WWOX: variants seen among roughly 807,000 people sequenced by gnomAD.
WWOX encodes WW domain-containing oxidoreductase.
Under a neutral mutation model 46.2 loss-of-function variants are expected in WWOX, and 69 were observed. The observed-to-expected ratio is 1.49, with a 90% CI of 1.23 to 1.82. The LOEUF is 1.82. WWOX is among the 40% of genes most tolerant of loss of function. The pLI, the probability that WWOX is intolerant of heterozygous loss-of-function variation, is 0.00. For synonymous variants in WWOX, 359 were observed against 202.6 expected (o/e 1.77, Z -6.56); for missense variants, 919 against 542.6 (o/e 1.69, Z -6.89).
intron 8 of WWOX, among the ~76,000 whole-genome samples, chr16:78,736,497 C>A (rs763972565): frequency 1.3e-5 from 2 of 152,216 alleles, no homozygotes; most frequent in African/African-American, 4.8e-5. Flanking sequence ...CAAAGTCTCA[C>A]ATGTGACAAC....
chr16:78,930,595 C>CTT (rs534091390), intron 8 of WWOX, among the ~76,000 whole-genome samples: 5,150 of 139,486 alleles, frequency 0.037, 116 homozygotes, highest in Non-Finnish European at 0.054. Flanking sequence ...CAGGCAAGGA[C>CTT]TTTTTTTTTT....
chr16:78,289,350 T>G (rs2079822280), intron 5 of WWOX, among the ~76,000 whole-genome samples: 1 of 152,138 alleles, frequency 6.6e-6, no homozygotes. Context: ...CTAGAGTGGT[T>G]TAGTAGAGCT....
chr16:78,680,965 T>A (rs550473414), intron 8 of WWOX, among the ~76,000 whole-genome samples: 2 of 152,226 alleles, frequency 1.3e-5, no homozygotes, highest in South Asian at 4.2e-4. Flanking sequence ...TAAAAAAATT[T>A]AGGCCATACT....
intron 8 of WWOX, among the ~76,000 whole-genome samples, chr16:78,852,085 C>G (rs1020343933): frequency 6.6e-6 from 1 of 152,152 alleles, no homozygotes; most frequent in Non-Finnish European, 1.5e-5. Context: ...ACTTTTCATT[C>G]TCTCATCTCA....
intron 8 of WWOX, among the ~76,000 whole-genome samples, chr16:78,468,676 C>T (rs2667546): frequency 1.3e-5 from 2 of 152,076 alleles, no homozygotes; most frequent in South Asian, 2.1e-4. Flanking sequence ...ACCTAGCCTA[C>T]GTTACTGCAC....
intron 8 of WWOX, among the ~76,000 whole-genome samples, chr16:78,556,113 A>T (rs1239163800): frequency 6.6e-6 from 1 of 152,116 alleles, no homozygotes; most frequent in Non-Finnish European, 1.5e-5. Context: ...TAGAGGGTCA[A>T]TTAGAGACCA....
intron 8 of WWOX, among the ~76,000 whole-genome samples, chr16:78,926,456 G>C (rs1239466715): frequency 3.3e-5 from 5 of 152,040 alleles, no homozygotes; most frequent in African/African-American, 1.2e-4. Flanking sequence ...CTTGGTTACT[G>C]AAATTCTGAG....
intron 8 of WWOX, among the ~76,000 whole-genome samples, chr16:79,035,596 T>C (rs908219559): frequency 2.0e-5 from 3 of 152,156 alleles, no homozygotes; most frequent in Non-Finnish European, 4.4e-5. Context: ...TGGAGTGTGG[T>C]AGGTGGGATC....
At chr16:78,429,287 T>G (rs1436177866) in intron 7 of WWOX, among the ~76,000 whole-genome samples, 1 of 152,234 alleles carries the variant, frequency 6.6e-6, no homozygotes, top group Non-Finnish European at 1.5e-5. Flanking sequence ...GCCAGTAATG[T>G]CAGTGAACAC....
At chr16:78,426,905 G>A (rs139564902) in intron 7 of WWOX, among the ~76,000 whole-genome samples, 3 of 152,106 alleles carry the variant, frequency 2.0e-5, no homozygotes, top group South Asian at 4.1e-4. Context: ...CTTGTGATCC[G>A]CCTGCCTTGG....
intron 8 of WWOX, among the ~76,000 whole-genome samples, chr16:78,441,508 A>G (rs961423011): frequency 3.6e-4 from 55 of 152,294 alleles, no homozygotes; most frequent in African/African-American, 1.2e-3. Flanking sequence ...CCCCAGGCTC[A>G]TGGTCAAATG....
intron 5 of WWOX, among the ~76,000 whole-genome samples, chr16:78,268,126 C>T (rs1178660764): frequency 6.6e-6 from 1 of 152,168 alleles, no homozygotes; most frequent in African/African-American, 2.4e-5. Context: ...GCTTGCTCCA[C>T]GATTTTCCTC....
intron 8 of WWOX, among the ~76,000 whole-genome samples, chr16:79,072,005 G>C (rs113848118): frequency 0.024 from 3,623 of 152,186 alleles, 58 homozygotes; most frequent in Middle Eastern, 0.075. Flanking sequence ...CTTATACGCC[G>C]GCCATGGTGG....
In WWOX at chr16:78,749,357, A is replaced by C. The variant is rs183674430; in HGVS notation, c.1056+316605A>C. Among the ~76,000 whole-genome samples the C allele has an allele frequency of 3.4e-4, 52 of 152,340 alleles. 1 individual carries two copies. Among genetic ancestry groups the C allele is most frequent in the African/African-American group, 1.1e-3 (46 of 41,578 alleles). On this transcript the variant is annotated intron_variant, in intron 8 of 8. Coordinates refer to ENST00000566780, the MANE Select transcript of WWOX (RefSeq NM_016373.4). ...TCAAGACAGCTGAAATTCAAAACAA[A>C]ACAATGTTTTAAAATTGAATACAGC...
chr16:78,255,749 G>A lies in WWOX; in HGVS notation c.516+91460G>A, dbSNP rs1483614159. On this transcript the variant is annotated intron_variant, in intron 5 of 8. Coordinates refer to ENST00000566780, the MANE Select transcript of WWOX (RefSeq NM_016373.4). Reference sequence around the variant, plus strand: ...ATTTATTGAACATCCACAATAGCCAGACATTTTTCTAGTTCTTATAAATCC... The same window carrying A: ...ATTTATTGAACATCCACAATAGCCAAACATTTTTCTAGTTCTTATAAATCC... Among the ~76,000 whole-genome samples, 4 of 152,098 alleles carry A rather than the reference G, an allele frequency of 2.6e-5. No homozygotes were observed. In the South Asian group the frequency reaches 8.3e-4, roughly 32 times the overall value.
At chr16:78,646,626 C>T (rs114875261) in intron 8 of WWOX, among the ~76,000 whole-genome samples, 372 of 152,228 alleles carry the variant, frequency 2.4e-3, no homozygotes, top group Middle Eastern at 6.8e-3. Context: ...CTAGGTTTCA[C>T]CATGTTGGCC....
intron 8 of WWOX, among the ~76,000 whole-genome samples, chr16:78,596,537 C>G (rs1156741791): frequency 6.6e-6 from 1 of 152,004 alleles, no homozygotes; most frequent in Non-Finnish European, 1.5e-5. Flanking sequence ...GACAGGTGTG[C>G]AAGATGGGGT....
intron 8 of WWOX, among the ~76,000 whole-genome samples, chr16:79,015,785 C>T (rs374203961): frequency 1.3e-5 from 2 of 151,702 alleles, no homozygotes; most frequent in Non-Finnish European, 2.9e-5. Context: ...CAGACTGTCG[C>T]TCTGTCGCCA....
intron 8 of WWOX, among the ~76,000 whole-genome samples, chr16:78,648,146 C>T (rs2046885715): frequency 6.6e-6 from 1 of 152,334 alleles, no homozygotes; most frequent in African/African-American, 2.4e-5. Context: ...TGACTGAATA[C>T]ATTACCACCT....
Sources: gnomAD v4.1 joint callset for allele counts (sites outside exome capture counted in the v4.1 genomes callset) on GRCh38, gnomAD v4.1.1 for gene constraint, MANE v1.5 for transcripts, NCBI Gene and HGNC (gene_info 2026-07-23, HGNC 2026-07-21) for gene names.